KCNQ2: variants seen among roughly 807,000 people sequenced by gnomAD.
The protein encoded by KCNQ2 is potassium voltage-gated channel subfamily Q member 2.
In KCNQ2, 14 loss-of-function variants were observed where a neutral mutation model predicts 84.8. The ratio of observed to expected loss-of-function variants is 0.17; its 90% confidence interval spans 0.11 to 0.26. The LOEUF (loss-of-function observed/expected upper bound fraction) is 0.26. KCNQ2 is among the 10% of genes least tolerant of loss of function. The pLI is 1.00. For synonymous variants in KCNQ2, 599 were observed against 554.1 expected (o/e 1.08, Z -1.14); for missense variants, 788 against 1,254.0 (o/e 0.63, Z 5.61).
intron 7 of KCNQ2, among the ~76,000 whole-genome samples, chr20:63,435,835 G>C (rs1294981844): frequency 6.6e-6 from 1 of 152,140 alleles, no homozygotes; most frequent in Non-Finnish European, 1.5e-5. Flanking sequence ...CAGCCAGGGA[G>C]AGCTTCCCTG....
intron 7 of KCNQ2, among the ~76,000 whole-genome samples, chr20:63,437,825 T>C (rs2081049321): frequency 6.6e-6 from 1 of 152,190 alleles, no homozygotes; most frequent in African/African-American, 2.4e-5. Flanking sequence ...TCTCTTTTTT[T>C]TTGAGACGGA....
In KCNQ2 at chr20:63,464,078, C is replaced by G. The variant is rs368371828; in HGVS notation, c.296+8090G>C. Among the ~76,000 whole-genome samples, 867 of 152,254 alleles carry G rather than the reference C, an allele frequency of 5.7e-3. 73 individuals carry two copies. The South Asian group carries it at 0.17, about 29-fold the overall frequency. On this transcript the variant is annotated intron_variant, in intron 1 of 16. Transcript: ENST00000359125. ...AAAAAATGAAAGACCTAATTTTGTTCAAGCTGGGTAGGCAGCAGAGCCTAA... is the reference window on the plus strand; with the variant it reads ...AAAAAATGAAAGACCTAATTTTGTTGAAGCTGGGTAGGCAGCAGAGCCTAA...
Position 63,408,588 on chromosome 20 carries a change from C to T in KCNQ2, c.1764-52G>A, listed in dbSNP as rs1422503667. On this transcript the variant is annotated intron_variant, in intron 15 of 16. Coordinates refer to ENST00000359125, the MANE Select transcript of KCNQ2 (RefSeq NM_172107.4). This position sits in a 1 kb window ranked among gnomAD's most constrained non-coding sequence, Gnocchi z 5.0. Reference sequence around the variant, plus strand: ...TGAGTTCGGGTGGGTGCAGCAGGGCCCCTGCCCTCTCCTCCTGGACCAGGC... The same window carrying T: ...TGAGTTCGGGTGGGTGCAGCAGGGCTCCTGCCCTCTCCTCCTGGACCAGGC... The T allele has an allele frequency of 6.3e-7, 1 of 1,598,744 alleles. No homozygotes were observed.
chr20:63,448,215 C>T (rs1389885954), intron 1 of KCNQ2: 2 of 152,288 alleles, frequency 1.3e-5, no homozygotes, highest in Non-Finnish European at 2.9e-5. Context: ...GAAGCAAATG[C>T]TTTGTCTCAT....
rs1185290374 is a variant in KCNQ2 at position 63,464,244 on chromosome 20, G to C, written c.296+7924C>G. Among the ~76,000 whole-genome samples the C allele has an allele frequency of 2.0e-5, 3 of 151,984 alleles. No homozygotes were observed. In the East Asian group the frequency reaches 5.8e-4, roughly 29 times the overall value. On this transcript the variant is annotated intron_variant, in intron 1 of 16. Coordinates refer to ENST00000359125, the MANE Select transcript of KCNQ2 (RefSeq NM_172107.4). The stretch of plus-strand genomic sequence containing the variant: ...GCACAAGCTGCTGGCCCTGGGCTGG[G>C]AGCTCTGGGCAGCTGGTGGCCAGAG...
At position 63,411,389 on chromosome 20, in the gene KCNQ2, G is replaced by A. The variant is rs549949082; in HGVS notation, c.1763+2061C>T. 3.3e-5 allele frequency among the ~76,000 whole-genome samples: 5 copies of A among 152,350 alleles called. No individual in the cohort carries two copies. The South Asian group carries it at 1.0e-3, about 32-fold the overall frequency. ...GCCTGGGGAGGCTGGAGAGCCCTCAGCCAGGAGGGGCCTGTCCAGGGGGCA... is the reference window on the plus strand; with the variant it reads ...GCCTGGGGAGGCTGGAGAGCCCTCAACCAGGAGGGGCCTGTCCAGGGGGCA... On this transcript the variant is annotated intron_variant, in intron 15 of 16. Coordinates refer to ENST00000359125, the MANE Select transcript of KCNQ2 (RefSeq NM_172107.4).
intron 1 of KCNQ2, among the ~76,000 whole-genome samples, chr20:63,449,940 G>T (rs2081557180): frequency 1.3e-5 from 2 of 151,894 alleles, no homozygotes; most frequent in Non-Finnish European, 2.9e-5. Context: ...CTGACACACA[G>T]CACTCAGAGC....
rs531799786 is a variant in KCNQ2 at position 63,425,329 on chromosome 20, A to C, written c.1218-1123T>G. Among the ~76,000 whole-genome samples the C allele has an allele frequency of 6.6e-6, 1 of 152,056 alleles. No homozygotes were observed. The highest frequency in any genetic ancestry group is 2.4e-5 in the African/African-American group (1 of 41,464). On this transcript the variant is annotated intron_variant, in intron 10 of 16. Transcript: ENST00000359125. This position sits in a 1 kb window ranked among gnomAD's most constrained non-coding sequence, Gnocchi z 5.5. ...GCATTCCCCCGACCCCCCAAAATTC[A>C]TGTCCATCTTACATCGAGAATACAC...
intron 15 of KCNQ2, among the ~76,000 whole-genome samples, chr20:63,410,512 C>T (rs939295824): frequency 5.9e-5 from 9 of 152,194 alleles, no homozygotes; most frequent in African/African-American, 1.9e-4. Context: ...CTGTCTCTTG[C>T]GGCAAGGCAC....
intron 12 of KCNQ2, among the ~76,000 whole-genome samples, chr20:63,416,480 G>A (rs1484636782): frequency 6.6e-6 from 1 of 152,212 alleles, no homozygotes. Context: ...TGAGGACAGT[G>A]GGGCTCTCAC....
rs2145441918 is a variant in KCNQ2, at chr20:63,400,750, A to G, written c.*5894T>C. The G allele has an allele frequency of 2.5e-6, 1 of 397,882 alleles. No individual in the cohort carries two copies. Among genetic ancestry groups the G allele is most frequent in the African/African-American group, 2.1e-5 (1 of 48,480 alleles). The allele number at this position is 397,882 out of a possible 1,614,324, so 24.6% of individuals were successfully genotyped here. A position where few individuals can be genotyped will look rare whatever the true frequency, so the allele number is the denominator to read the frequency against. On this transcript the variant is annotated 3_prime_UTR_variant, in exon 17 of 17. Transcript: ENST00000359125. The surrounding 1 kb of genome is among the most constrained non-coding windows in gnomAD (Gnocchi z 8.7). ...GGCCGTGTGGATCCCGGGCAGAGGG[A>G]TGGCGTCCAGCGGGACCACCAGCTC...
rs549340740 is a variant in KCNQ2 at position 63,456,367 on chromosome 20, A to G, written c.297-9530T>C. On this transcript the variant is annotated intron_variant, in intron 1 of 16. Coordinates refer to ENST00000359125, the MANE Select transcript of KCNQ2 (RefSeq NM_172107.4). ...TCTGGGCCCCCCGAGTCAGTCCCAC[A>G]GCCAGCCCCCTCGCTCTGCGACTCT... Among the ~76,000 whole-genome samples, 3 of 152,338 alleles carry G rather than the reference A, an allele frequency of 2.0e-5. No individual in the cohort carries two copies. The East Asian group carries it at 5.8e-4, about 29-fold the overall frequency.
At chr20:63,439,049 C>G (rs924502431) in intron 6 of KCNQ2, among the ~76,000 whole-genome samples, 1 of 152,126 alleles carries the variant, frequency 6.6e-6, no homozygotes, top group Non-Finnish European at 1.5e-5. Context: ...TGGCAGGACC[C>G]ACACTGAACT....
At chr20:63,417,734 C>T (rs933343961) in intron 12 of KCNQ2, among the ~76,000 whole-genome samples, 1 of 152,264 alleles carries the variant, frequency 6.6e-6, no homozygotes, top group African/African-American at 2.4e-5. Flanking sequence ...TCCACAGGCC[C>T]CAGGAGAGAA....
In KCNQ2 at chr20:63,444,831, A is replaced by T. The variant is rs1400796316; in HGVS notation, c.518T>A (p.Ile173Asn). Residue 173 changes from isoleucine to asparagine, a missense_variant, in exon 4 of 17, where the codon ATC (isoleucine) becomes AAC (asparagine). This residue lies in a region of KCNQ2 where 106 missense variants were observed against 214.8 expected (regional missense o/e 0.49). Transcript: ENST00000359125. ...CGCAATGGAGGCGATGAGCACCATG[A>T]TGTCTACAAAGCGGGCGTGGAGCTG... Reference protein sequence around the residue: ...FARKPFCVIDIMVLIASIAVL... With the variant: ...FARKPFCVIDNMVLIASIAVL... 6.3e-7 allele frequency: 1 copy of T among 1,596,646 alleles called. No individual in the cohort carries two copies.
rs2082244956 is a variant in KCNQ2 at position 63,472,582 on chromosome 20, T to G, written c.-119A>C. ...GGAGCCGCATGGCCGAGGCGGCGGT[T>G]CCGCACTCCTGCCGGGCTTGGGCCG... On this transcript the variant is annotated 5_prime_UTR_variant, in exon 1 of 17. Coordinates refer to ENST00000359125, the MANE Select transcript of KCNQ2 (RefSeq NM_172107.4). 2.3e-6 allele frequency: 2 copies of G among 868,822 alleles called. No homozygotes were observed. Among genetic ancestry groups the G allele is most frequent in the African/African-American group, 3.7e-5 (2 of 54,200 alleles). The allele number at this position is 868,822 out of a possible 1,614,324, so 53.8% of individuals were successfully genotyped here.
At chr20:63,416,362 C>G (rs969439776) in intron 12 of KCNQ2, among the ~76,000 whole-genome samples, 1 of 152,194 alleles carries the variant, frequency 6.6e-6, no homozygotes, top group Non-Finnish European at 1.5e-5. Context: ...CAGCGTCCGC[C>G]GGGCGACAGT....
chr20:63,443,602 C>A, intron 4 of KCNQ2: 1 of 152,388 alleles, frequency 6.6e-6, no homozygotes. Flanking sequence ...CCACCATCAC[C>A]CTCACCACCA....
chr20:63,415,574 G>C (rs2080273745), intron 12 of KCNQ2, among the ~76,000 whole-genome samples: 1 of 151,748 alleles, frequency 6.6e-6, no homozygotes, highest in East Asian at 2.0e-4. Context: ...AGGGGAGGCT[G>C]GGTGGGCAGC....
Sources: allele counts gnomAD v4.1 joint callset (sites outside exome capture counted in the v4.1 genomes callset), GRCh38; gene constraint gnomAD v4.1.1; regional missense constraint gnomAD v4.1.1; non-coding constraint Gnocchi (gnomAD v3.1); transcripts MANE v1.5; gene names NCBI Gene and HGNC (gene_info 2026-07-23, HGNC 2026-07-21).